The following DGKI variants were observed in gnomAD, a reference collection of about 807,000 sequenced individuals.
The protein encoded by DGKI is diacylglycerol kinase iota.
A neutral mutation model predicts 147.5 loss-of-function variants in DGKI; 55 were observed. That is an observed-to-expected ratio of 0.37 (90% CI 0.30 to 0.47). The LOEUF (loss-of-function observed/expected upper bound fraction) is 0.47. Among genes scored for constraint, DGKI ranks in the 20% least tolerant of loss-of-function variants. The probability of loss-of-function intolerance (pLI) is 1.00; values close to 1 mark genes in which losing one functional copy is unlikely to be tolerated. For missense variants in DGKI, 1,007 were observed against 1,323.8 expected (o/e 0.76, Z 3.71); for synonymous variants, 469 against 477.1 (o/e 0.98, Z 0.22).
chr7:137,666,387 G>A (rs901799386), intron 3 of DGKI, among the ~76,000 whole-genome samples: 2 of 152,180 alleles, frequency 1.3e-5, no homozygotes, highest in Middle Eastern at 3.4e-3. Flanking sequence ...TGGGTGACAT[G>A]GCAGAATTCT....
chr7:137,549,798 G>A, intron 20 of DGKI, among the ~76,000 whole-genome samples: 1 of 152,082 alleles, frequency 6.6e-6, no homozygotes, highest in East Asian at 1.9e-4. Flanking sequence ...TTCAAAACAA[G>A]GTTTTCTGGT....
chr7:137,463,312 T>C (rs1814520464), intron 27 of DGKI, among the ~76,000 whole-genome samples, 177 bp downstream of exon 27: 1 of 151,668 alleles, frequency 6.6e-6, no homozygotes, highest in African/African-American at 2.4e-5. Flanking sequence ...CCATGAACGG[T>C]TTGGGGTAGA....
chr7:137,395,007 A>G (rs1005088202), intron 32 of DGKI, among the ~76,000 whole-genome samples: 3 of 152,168 alleles, frequency 2.0e-5, no homozygotes, highest in Admixed American at 6.5e-5. Context: ...TTCCCATGCT[A>G]TCTAGTACCT....
At chr7:137,599,746 G>T in intron 11 of DGKI, 77 bp downstream of exon 11, 1 of 1,299,884 alleles carries the variant, frequency 7.7e-7, no homozygotes, top group Non-Finnish European at 1.1e-6. Flanking sequence ...TACCTCACAA[G>T]GTAATCAGAT....
chr7:137,599,849 A>G lies in DGKI; in HGVS notation c.1224T>C (p.Asp408=). 1 of 1,614,038 alleles carries G rather than the reference A, an allele frequency of 6.2e-7. No individual in the cohort carries two copies. Among genetic ancestry groups the G allele is most frequent in the South Asian group, 1.1e-5 (1 of 91,064 alleles). Residue 408 remains aspartate (D), a synonymous_variant, in exon 11 of 33, where the codon GAT becomes GAC. Transcript: ENST00000614521. ...MWYLNPRQVF[D]LSQEGPKDAL... Reference sequence around the variant, plus strand: ...CATCTTTTGGCCCTTCCTGAGAAAGATCAAAGACTTGCCGTGGATTCAGGT... The same window carrying G: ...CATCTTTTGGCCCTTCCTGAGAAAGGTCAAAGACTTGCCGTGGATTCAGGT...
chr7:137,385,386 A>T lies in DGKI; in HGVS notation c.*5834T>A, dbSNP rs1811153547. On this transcript the variant is annotated 3_prime_UTR_variant, in exon 33 of 33. Coordinates refer to ENST00000614521, the MANE Select transcript of DGKI (RefSeq NM_001321708.2). ...TAAAATCCTGCCATTCAACAAAGCC[A>T]TTAAAAAATATCTTTTGAAAAATCA... 1 of 152,142 alleles carries T rather than the reference A, an allele frequency of 6.6e-6. No homozygotes were observed. The highest frequency in any genetic ancestry group is 2.1e-4 in the South Asian group (1 of 4,836). The allele number at this position is 152,142 out of a possible 1,614,324, so 9.4% of individuals were successfully genotyped here. A position where few individuals can be genotyped will look rare whatever the true frequency, so the allele number is the denominator to read the frequency against.
At chr7:137,483,956 C>G (rs1409098439) in intron 23 of DGKI, among the ~76,000 whole-genome samples, 1 of 152,006 alleles carries the variant, frequency 6.6e-6, no homozygotes, top group Non-Finnish European at 1.5e-5. Flanking sequence ...CAAATAGTCA[C>G]TCTGATGAAA....
intron 21 of DGKI, among the ~76,000 whole-genome samples, chr7:137,504,279 G>A (rs1317769064): frequency 1.3e-5 from 2 of 152,182 alleles, no homozygotes; most frequent in African/African-American, 2.4e-5. Flanking sequence ...TGACATTGCT[G>A]TTACAGTGCA....
intron 32 of DGKI, 53 bp from the exon 33 acceptor site, chr7:137,391,389 G>C (rs749482850): frequency 7.8e-7 from 1 of 1,277,052 alleles, no homozygotes; most frequent in East Asian, 2.5e-5. Flanking sequence ...AGACACAAGC[G>C]CTAGTCGTGA....
intron 28 of DGKI, among the ~76,000 whole-genome samples, chr7:137,426,301 G>A (rs1319812545): frequency 6.6e-6 from 1 of 152,094 alleles, no homozygotes; most frequent in African/African-American, 2.4e-5. Context: ...GCCAAACTAA[G>A]CTTCATAAGT....
chr7:137,577,179 A>G (rs1377859643), intron 17 of DGKI, 43 bp downstream of exon 17: 2 of 1,394,588 alleles, frequency 1.4e-6, no homozygotes, highest in African/African-American at 1.4e-5. Flanking sequence ...TGTGGCAGTC[A>G]TATCATATTC....
Position 137,390,963 on chromosome 7 carries a change from G to T in DGKI, c.*257C>A, listed in dbSNP as rs1168282911. The stretch of plus-strand genomic sequence containing the variant: ...CAGAAGTTCATGCTACTTGCTGGAA[G>T]CAATAAGGATCAAATTTTGTGGAAC... On this transcript the variant is annotated 3_prime_UTR_variant, in exon 33 of 33. Coordinates refer to ENST00000614521, the MANE Select transcript of DGKI (RefSeq NM_001321708.2). 2 of 477,208 alleles carry T rather than the reference G, an allele frequency of 4.2e-6. No homozygotes were observed. The highest frequency in any genetic ancestry group is 7.5e-6 in the Non-Finnish European group (2 of 266,580). The allele number at this position is 477,208 out of a possible 1,614,324, so 29.6% of individuals were successfully genotyped here.
At chr7:137,520,056 T>C (rs1057329156) in intron 21 of DGKI, among the ~76,000 whole-genome samples, 1 of 152,052 alleles carries the variant, frequency 6.6e-6, no homozygotes, top group Non-Finnish European at 1.5e-5. Context: ...AGTAAAGCCC[T>C]TGCCAGAAAA....
At chr7:137,841,668 A>C (rs1798546980) in intron 1 of DGKI, among the ~76,000 whole-genome samples, 1 of 152,208 alleles carries the variant, frequency 6.6e-6, no homozygotes, top group Non-Finnish European at 1.5e-5. Flanking sequence ...ACTCAACTTC[A>C]AGGATACCTT....
chr7:137,679,552 T>A (rs1823159468), intron 2 of DGKI, among the ~76,000 whole-genome samples: 1 of 152,138 alleles, frequency 6.6e-6, no homozygotes, highest in Non-Finnish European at 1.5e-5. Context: ...AAGTATTGTA[T>A]TAGATTAACC....
intron 1 of DGKI, among the ~76,000 whole-genome samples, chr7:137,767,833 T>C (rs986580230): frequency 7.2e-5 from 11 of 152,324 alleles, no homozygotes; most frequent in African/African-American, 2.2e-4. Flanking sequence ...ATGGTTGCTA[T>C]AAAGATTAGT....
intron 6 of DGKI, among the ~76,000 whole-genome samples, chr7:137,627,687 C>T (rs1336079582): frequency 2.0e-5 from 3 of 152,212 alleles, no homozygotes; most frequent in Admixed American, 1.3e-4. Context: ...GTAGCCACAA[C>T]TAGAGGTCTG....
At chr7:137,493,020 C>T (rs1457331442) in intron 21 of DGKI, among the ~76,000 whole-genome samples, 1 of 152,158 alleles carries the variant, frequency 6.6e-6, no homozygotes, top group Non-Finnish European at 1.5e-5. Flanking sequence ...CCAAGGCCAC[C>T]CCCATACCAT....
At chr7:137,646,391 T>C (rs1585324327) in intron 5 of DGKI, among the ~76,000 whole-genome samples, 1 of 152,362 alleles carries the variant, frequency 6.6e-6, no homozygotes, top group African/African-American at 2.4e-5. Flanking sequence ...CTTGGGCACC[T>C]TGAACTATTA....
Sources: gnomAD v4.1 joint callset for allele counts (sites outside exome capture counted in the v4.1 genomes callset) on GRCh38, gnomAD v4.1.1 for gene constraint, MANE v1.5 for transcripts, NCBI Gene and HGNC (gene_info 2026-07-23, HGNC 2026-07-21) for gene names.